CTNNA3: variants seen among roughly 807,000 people sequenced by gnomAD.
The protein encoded by CTNNA3 is catenin alpha 3, also known as catenin alpha-3.
A neutral mutation model predicts 95.7 loss-of-function variants in CTNNA3; 76 were observed. The observed-to-expected ratio is 0.79, with a 90% CI of 0.66 to 0.96. CTNNA3 has a LOEUF of 0.96. CTNNA3 is among the 40% of genes least tolerant of loss of function. The probability of loss-of-function intolerance (pLI) is 0.00; values close to 1 mark genes in which losing one functional copy is unlikely to be tolerated. For synonymous variants in CTNNA3, 431 were observed against 374.4 expected (o/e 1.15, Z -1.74); for missense variants, 1,191 against 1,089.8 (o/e 1.09, Z -1.31).
chr10:67,181,088 C>G (rs1057244281), intron 6 of CTNNA3, among the ~76,000 whole-genome samples: 1 of 152,136 alleles, frequency 6.6e-6, no homozygotes, highest in Admixed American at 6.6e-5. Context: ...GACGTTCAGA[C>G]AAGTATCCAT....
intron 5 of CTNNA3, among the ~76,000 whole-genome samples, chr10:67,438,762 G>A (rs1846392414): frequency 6.6e-6 from 1 of 152,182 alleles, no homozygotes; most frequent in South Asian, 2.1e-4. Flanking sequence ...AGTGGCTGGG[G>A]CACTTGCTGC....
intron 7 of CTNNA3, among the ~76,000 whole-genome samples, chr10:66,800,603 A>C (rs754096999): frequency 6.6e-5 from 10 of 151,268 alleles, no homozygotes; most frequent in Non-Finnish European, 1.3e-4. Flanking sequence ...ATTCCTAATA[A>C]ATTTGAAGGT....
intron 3 of CTNNA3, among the ~76,000 whole-genome samples, chr10:67,574,889 TA>T (rs1266527415): frequency 2.6e-5 from 4 of 152,174 alleles, no homozygotes; most frequent in African/African-American, 9.6e-5. Context: ...CCAAGGTTGT[TA>T]ACATTTTAAT....
chr10:66,431,686 G>T (rs1017863759), intron 11 of CTNNA3, among the ~76,000 whole-genome samples: 1 of 144,358 alleles, frequency 6.9e-6, no homozygotes, highest in African/African-American at 2.6e-5. Flanking sequence ...TCACAGGTGG[G>T]AATTGAACAA....
At chr10:66,179,039 T>C (rs1028093466) in intron 13 of CTNNA3, among the ~76,000 whole-genome samples, 4 of 151,946 alleles carry the variant, frequency 2.6e-5, no homozygotes, top group Non-Finnish European at 4.4e-5. Context: ...TAATCAGCAA[T>C]TGCCTTTCTG....
At chr10:67,052,164 G>C (rs749417907) in intron 7 of CTNNA3, among the ~76,000 whole-genome samples, 21 of 152,070 alleles carry the variant, frequency 1.4e-4, no homozygotes, top group Non-Finnish European at 2.4e-4. Context: ...TTCTTTCCCT[G>C]CTAGGTCCTC....
At chr10:67,429,795 A>T (rs572821550) in intron 5 of CTNNA3, among the ~76,000 whole-genome samples, 24 of 152,004 alleles carry the variant, frequency 1.6e-4, no homozygotes, top group Non-Finnish European at 3.5e-4. Flanking sequence ...CTAGAAGACT[A>T]TTCTCCTGAG....
chr10:66,303,519 A>G (rs1236223389), intron 12 of CTNNA3, among the ~76,000 whole-genome samples: 2 of 152,194 alleles, frequency 1.3e-5, no homozygotes, highest in Non-Finnish European at 2.9e-5. Context: ...TATTTAAACA[A>G]TTATTATTAA....
chr10:67,149,284 T>C lies in CTNNA3; in HGVS notation c.1047+31033A>G, dbSNP rs181199827. Among the ~76,000 whole-genome samples, 197 of 152,174 alleles carry C rather than the reference T, an allele frequency of 1.3e-3. 1 individual carries two copies. The highest frequency in any genetic ancestry group is 4.4e-3 in the African/African-American group (184 of 41,528). On this transcript the variant is annotated intron_variant, in intron 7 of 17. Transcript: ENST00000433211. ...CTTCAACTATAAGTAAGGGGACAGT[T>C]TGAGCAGAAAGTCAAAAGAGGCCGG...
At chr10:66,722,907 T>C (rs12356854) in intron 9 of CTNNA3, among the ~76,000 whole-genome samples, 17,787 of 152,070 alleles carry the variant, frequency 0.12, 1,428 homozygotes, top group Middle Eastern at 0.17. Context: ...ACTCAAGAGA[T>C]TCCAGGAAAG....
chr10:66,665,402 A>G (rs570599514), intron 9 of CTNNA3, among the ~76,000 whole-genome samples: 1 of 152,250 alleles, frequency 6.6e-6, no homozygotes, highest in South Asian at 2.1e-4. Context: ...TTGGTATTTT[A>G]CATAGTAAAG....
intron 1 of CTNNA3, among the ~76,000 whole-genome samples, chr10:67,715,900 G>C (rs1426826707): frequency 6.6e-6 from 1 of 152,052 alleles, no homozygotes; most frequent in Non-Finnish European, 1.5e-5. Context: ...TGCAGATTTA[G>C]TTCTTCTCAA....
rs34671813 is a variant in CTNNA3, at chr10:66,021,852, C to CTTTTTT, written c.2160-33061_2160-33056dup. 5.3e-4 allele frequency among the ~76,000 whole-genome samples: 40 copies of CTTTTTT among 75,940 alleles called. 7 individuals are homozygous for CTTTTTT. Among genetic ancestry groups the CTTTTTT allele is most frequent in the Admixed American group, 1.2e-3 (7 of 5,792 alleles). 49.8% of individuals were successfully genotyped at this position (75,940 alleles called of 152,430 possible). A position where few individuals can be genotyped will look rare whatever the true frequency, so the allele number is the denominator to read the frequency against. On this transcript the variant is annotated intron_variant, in intron 15 of 17. Coordinates refer to ENST00000433211, the MANE Select transcript of CTNNA3 (RefSeq NM_013266.4). Reference sequence around the variant, plus strand: ...GGAAATTCCATATACAGGATCTTGGCTTTTTTTTTTTTTTTTAGATAGATA... The same window carrying CTTTTTT: ...GGAAATTCCATATACAGGATCTTGGCTTTTTTTTTTTTTTTTTTTTTTAGATAGATA...
At chr10:65,988,663 T>C in intron 16 of CTNNA3, 29 bp downstream of exon 16, 15 of 1,569,614 alleles carry the variant, frequency 9.6e-6, no homozygotes, top group Non-Finnish European at 1.3e-5. Context: ...AGCATGAACT[T>C]TTATGATGTC....
rs551405492 is a variant in CTNNA3 at position 66,129,363 on chromosome 10, C to G, written c.1885-26114G>C. ...GGAATACTGGCAGGATGAAATTCCT[C>G]AACCACCATGGCATTGGAGTTGCCA... On this transcript the variant is annotated intron_variant, in intron 13 of 17. Coordinates refer to ENST00000433211, the MANE Select transcript of CTNNA3 (RefSeq NM_013266.4). Among the ~76,000 whole-genome samples the G allele has an allele frequency of 3.3e-5, 5 of 152,314 alleles. No individual in the cohort carries two copies. The South Asian group carries it at 1.0e-3, about 32-fold the overall frequency.
At chr10:67,620,319 G>C (rs763062916) in intron 2 of CTNNA3, among the ~76,000 whole-genome samples, 6 of 152,122 alleles carry the variant, frequency 3.9e-5, no homozygotes, top group Non-Finnish European at 8.8e-5. Context: ...ACAGTCCAGA[G>C]AGCATTCCAG....
chr10:66,652,317 C>T (rs935223777), intron 9 of CTNNA3, among the ~76,000 whole-genome samples: 3 of 151,944 alleles, frequency 2.0e-5, no homozygotes, highest in Non-Finnish European at 2.9e-5. Flanking sequence ...GGGGACATTA[C>T]AACTGATACC....
chr10:67,512,859 C>A (rs1031431420), intron 5 of CTNNA3, among the ~76,000 whole-genome samples: 1 of 152,082 alleles, frequency 6.6e-6, no homozygotes. Flanking sequence ...ATGGTACACA[C>A]CTGTAGTCCC....
rs1240646885 is a variant in CTNNA3 at position 66,124,794 on chromosome 10, CTCAT to C, written c.1885-21549_1885-21546del. Among the ~76,000 whole-genome samples, 6 of 152,246 alleles carry C rather than the reference CTCAT, an allele frequency of 3.9e-5. No homozygotes were observed. In the East Asian group the frequency reaches 1.2e-3, roughly 29 times the overall value. ...TTTAAAACCATCAGATCTCATGAGACTCATTCACTATCACAAGAACAGCACAGAA... is the reference window on the plus strand; with the variant it reads ...TTTAAAACCATCAGATCTCATGAGACTCACTATCACAAGAACAGCACAGAA... On this transcript the variant is annotated intron_variant, in intron 13 of 17. Transcript: ENST00000433211.
Sources: allele counts gnomAD v4.1 joint callset (sites outside exome capture counted in the v4.1 genomes callset), GRCh38; gene constraint gnomAD v4.1.1; transcripts MANE v1.5; gene names NCBI Gene and HGNC (gene_info 2026-07-23, HGNC 2026-07-21).